Variants in TNKS observed in about 807,000 individuals in gnomAD.
TNKS encodes the protein tankyrase.
TNKS carries 72 observed loss-of-function variants against 135.8 expected under a neutral mutation model. That is an observed-to-expected ratio of 0.53 (90% CI 0.44 to 0.64). The LOEUF (loss-of-function observed/expected upper bound fraction) is 0.64. Among genes scored for constraint, TNKS ranks in the 30% least tolerant of loss-of-function variants. The pLI is 0.00. For missense variants in TNKS, 1,769 were observed against 1,674.0 expected (o/e 1.06, Z -0.99); for synonymous variants, 849 against 649.3 (o/e 1.31, Z -4.68).
chr8:9,769,095 A>G (rs1339467365), intron 25 of TNKS, among the ~76,000 whole-genome samples: 3 of 152,244 alleles, frequency 2.0e-5, no homozygotes, highest in Non-Finnish European at 2.9e-5. Flanking sequence ...TAAGGGATAT[A>G]TAATAATTAT....
chr8:9,581,090 C>A (rs931797378), intron 2 of TNKS, among the ~76,000 whole-genome samples: 1 of 152,020 alleles, frequency 6.6e-6, no homozygotes, highest in African/African-American at 2.4e-5. Context: ...GTTTGTTTAG[C>A]CATGGCAGGT....
intron 3 of TNKS, among the ~76,000 whole-genome samples, chr8:9,653,760 A>G (rs1801235190): frequency 6.6e-6 from 1 of 152,182 alleles, no homozygotes; most frequent in South Asian, 2.1e-4. Context: ...CATCCAGCCC[A>G]TAACAACTAC....
In TNKS at chr8:9,748,026, T is replaced by A; in HGVS notation, c.2646T>A (p.His882Gln). ...IPLHNAASYG[H>Q]VDIAALLIKY... ...TGTATCCTTTTCTTTTTTTTCAGCA[T>A]GTTGACATAGCGGCTTTATTGATAA... The change falls in exon 18 of 27, where the codon CAT becomes CAA. Residue 882 changes from histidine to glutamine, a missense_variant and splice_region_variant. Coordinates refer to ENST00000310430, the MANE Select transcript of TNKS (RefSeq NM_003747.3). The A allele has an allele frequency of 6.2e-7, 1 of 1,606,448 alleles. No homozygotes were observed.
chr8:9,725,218 C>T (rs150810188), intron 12 of TNKS, among the ~76,000 whole-genome samples: 1 of 152,238 alleles, frequency 6.6e-6, no homozygotes, highest in African/African-American at 2.4e-5. Context: ...TCATTGACCC[C>T]AATACATAGT....
At chr8:9,686,039 C>T (rs1802982133) in intron 5 of TNKS, among the ~76,000 whole-genome samples, 1 of 152,230 alleles carries the variant, frequency 6.6e-6, no homozygotes, top group Admixed American at 6.5e-5. Flanking sequence ...ATAAACCGTC[C>T]CTTTTATTAC....
chr8:9,748,260 G>A (rs1350651269), intron 18 of TNKS, 48 bp downstream of exon 18: 3 of 1,357,858 alleles, frequency 2.2e-6, no homozygotes, highest in Non-Finnish European at 1.9e-6. Context: ...TACTTTCACA[G>A]ATGACATCAG....
chr8:9,663,953 C>T (rs1398596685), intron 3 of TNKS, among the ~76,000 whole-genome samples: 1 of 152,108 alleles, frequency 6.6e-6, no homozygotes, highest in Non-Finnish European at 1.5e-5. Flanking sequence ...TTATATCATT[C>T]CCTCCCTGGA....
intron 5 of TNKS, among the ~76,000 whole-genome samples, chr8:9,696,959 A>G (rs1563173396): frequency 6.6e-6 from 1 of 152,158 alleles, no homozygotes; most frequent in Non-Finnish European, 1.5e-5. Context: ...TATTCTAAAA[A>G]TCATATGGAA....
intron 1 of TNKS, among the ~76,000 whole-genome samples, chr8:9,562,891 T>C (rs1797393339): frequency 6.6e-6 from 1 of 152,042 alleles, no homozygotes; most frequent in Admixed American, 6.5e-5. Context: ...TATTACAGTA[T>C]GTCTTGGTGT....
At chr8:9,662,473 T>C (rs1490660142) in intron 3 of TNKS, among the ~76,000 whole-genome samples, 1 of 152,180 alleles carries the variant, frequency 6.6e-6, no homozygotes, top group Non-Finnish European at 1.5e-5. Context: ...GAAACCATCA[T>C]TCTCAGCAAA....
chr8:9,771,576 G>A (rs868525759), intron 26 of TNKS, among the ~76,000 whole-genome samples: 1 of 135,276 alleles, frequency 7.4e-6, no homozygotes, highest in Middle Eastern at 4.4e-3. Context: ...AGAGAGGAAG[G>A]AAGAGAGAAA....
In TNKS at chr8:9,753,236, G is replaced by A. The variant is rs578200535; in HGVS notation, c.3153+610G>A. On this transcript the variant is annotated intron_variant, in intron 20 of 26. Transcript: ENST00000310430. Reference sequence around the variant, plus strand: ...TGATTGTCCTTGGTTGTTTGTTTCCGAAAAATGTCAGTCTTTATTCATCTC... The same window carrying A: ...TGATTGTCCTTGGTTGTTTGTTTCCAAAAAATGTCAGTCTTTATTCATCTC... Among the ~76,000 whole-genome samples, 61 of 152,212 alleles carry A rather than the reference G, an allele frequency of 4.0e-4. No homozygotes were observed. In the South Asian group the frequency reaches 4.3e-3, roughly 11 times the overall value.
chr8:9,754,307 A>G (rs1376415830), intron 20 of TNKS, among the ~76,000 whole-genome samples: 5 of 152,004 alleles, frequency 3.3e-5, no homozygotes, highest in East Asian at 1.9e-4. Context: ...TCAATCACCC[A>G]CCTCTACACA....
chr8:9,566,656 CGG>C lies in TNKS; in HGVS notation c.673+10045_673+10046del, dbSNP rs1194938995. 1.3e-4 allele frequency: 18 copies of C among 135,724 alleles called. No homozygotes were observed. In the East Asian group the frequency reaches 2.5e-3, roughly 19 times the overall value. 8.4% of individuals were successfully genotyped at this position (135,724 alleles called of 1,614,324 possible). A position where few individuals can be genotyped will look rare whatever the true frequency, so the allele number is the denominator to read the frequency against. Reference sequence around the variant, plus strand: ...TCGCTCTGTCGCCCAGGCCGGACTGCGGACTGCAGTGGCGCAATCTCGGCTCA... The same window carrying C: ...TCGCTCTGTCGCCCAGGCCGGACTGCACTGCAGTGGCGCAATCTCGGCTCA... On this transcript the variant is annotated intron_variant, in intron 1 of 26. Transcript: ENST00000310430.
chr8:9,590,310 C>T (rs952052850), intron 2 of TNKS, among the ~76,000 whole-genome samples: 2 of 152,222 alleles, frequency 1.3e-5, no homozygotes, highest in East Asian at 1.9e-4. Context: ...GTTCTGCCTG[C>T]GGTACTCTTT....
chr8:9,639,571 C>A (rs1291816097), intron 3 of TNKS, among the ~76,000 whole-genome samples: 1 of 141,362 alleles, frequency 7.1e-6, no homozygotes, highest in Non-Finnish European at 1.5e-5. Context: ...AATCTTGTAT[C>A]TTTTCATTAT....
At chr8:9,740,964 C>G (rs1805926970) in intron 17 of TNKS, 1 of 151,932 alleles carries the variant, frequency 6.6e-6, no homozygotes, top group Non-Finnish European at 1.5e-5. Context: ...CGCCTGCCAC[C>G]ACGCCCAGCT....
chr8:9,596,317 A>G (rs1435831667), intron 2 of TNKS, among the ~76,000 whole-genome samples: 1 of 152,172 alleles, frequency 6.6e-6, no homozygotes, highest in Non-Finnish European at 1.5e-5. Flanking sequence ...GTACAGTTTT[A>G]ATACTGAAAT....
intron 3 of TNKS, among the ~76,000 whole-genome samples, chr8:9,655,878 A>G (rs1801342945): frequency 1.3e-5 from 2 of 152,206 alleles, no homozygotes; most frequent in African/African-American, 2.4e-5. Flanking sequence ...CAGCAACAGA[A>G]CAAAGCTGGA....
Sources: gnomAD v4.1 joint callset for allele counts (sites outside exome capture counted in the v4.1 genomes callset) on GRCh38, gnomAD v4.1.1 for gene constraint, MANE v1.5 for transcripts, NCBI Gene and HGNC (gene_info 2026-07-23, HGNC 2026-07-21) for gene names.